The following CUL5 variants were observed in gnomAD, a reference collection of about 807,000 sequenced individuals.
The protein encoded by CUL5 is cullin 5, also known as cullin-5.
In CUL5, 26 loss-of-function variants were observed where a neutral mutation model predicts 108.8. That is an observed-to-expected ratio of 0.24 (90% CI 0.18 to 0.33). The LOEUF is 0.33. Among genes scored for constraint, CUL5 ranks in the 10% least tolerant of loss-of-function variants. The pLI is 1.00. For missense variants in CUL5, 524 were observed against 909.2 expected (o/e 0.58, Z 5.45); for synonymous variants, 334 against 298.0 (o/e 1.12, Z -1.25).
At chr11:108,062,038 T>G (rs1200473470) in intron 7 of CUL5, among the ~76,000 whole-genome samples, 1 of 152,142 alleles carries the variant, frequency 6.6e-6, no homozygotes, top group Non-Finnish European at 1.5e-5. Context: ...TCTCAACACG[T>G]GGGAATTACA....
intron 3 of CUL5, 97 bp downstream of exon 3, chr11:108,046,466 A>C: frequency 1.5e-6 from 1 of 650,344 alleles, no homozygotes; most frequent in Non-Finnish European, 2.6e-6. Flanking sequence ...AGTAATTTCA[A>C]AATATTGCAT....
intron 11 of CUL5, among the ~76,000 whole-genome samples, chr11:108,080,290 C>T (rs74716522): frequency 0.13 from 20,110 of 151,752 alleles, 1,429 homozygotes; most frequent in African/African-American, 0.18. Flanking sequence ...GGTCTTGCTG[C>T]GTTGCTCAGG....
At chr11:108,097,874 A>G (rs539419381) in intron 17 of CUL5, 120 bp downstream of exon 17, 1 of 578,538 alleles carries the variant, frequency 1.7e-6, no homozygotes, top group African/African-American at 1.9e-5. Context: ...TCATCACTCT[A>G]AACTTACATC....
chr11:108,098,591 T>A (rs375538241), intron 18 of CUL5, 62 bp downstream of exon 18: 28,354 of 994,142 alleles, frequency 0.029, 360 homozygotes, highest in Non-Finnish European at 0.033. Flanking sequence ...TTTTTTTTTT[T>A]AAATTTTGAA....
intron 13 of CUL5, among the ~76,000 whole-genome samples, chr11:108,091,695 T>TCACACAGACACACACACA (rs1555024095): frequency 7.2e-6 from 1 of 138,098 alleles, no homozygotes; most frequent in African/African-American, 2.8e-5. Flanking sequence ...TCTCTCTCAC[T>TCACACAGACACACACACA]CACACACACA....
intron 1 of CUL5, among the ~76,000 whole-genome samples, chr11:108,026,948 C>T (rs1342322631): frequency 6.9e-6 from 1 of 145,314 alleles, no homozygotes; most frequent in East Asian, 2.1e-4. Context: ...GAGATCACGC[C>T]ACTGCACTCC....
intron 11 of CUL5, among the ~76,000 whole-genome samples, chr11:108,079,713 C>G (rs1281150475): frequency 6.6e-6 from 1 of 152,124 alleles, no homozygotes; most frequent in Non-Finnish European, 1.5e-5. Context: ...TATCATCGTA[C>G]AAAGTTACTT....
At chr11:108,052,589 T>G (rs533571015) in intron 4 of CUL5, 71 bp from the exon 5 acceptor site, 25 of 1,381,976 alleles carry the variant, frequency 1.8e-5, no homozygotes, top group Middle Eastern at 4.7e-4. Context: ...TTTCCTTTTT[T>G]GGTGTTTGTA....
At chr11:108,014,584 G>A (rs1363820096) in intron 1 of CUL5, among the ~76,000 whole-genome samples, 1 of 152,186 alleles carries the variant, frequency 6.6e-6, no homozygotes. Context: ...ATCTGCTTGT[G>A]AGATTGGCCA....
chr11:108,078,067 T>C (rs1003925184), intron 10 of CUL5, 109 bp from the exon 11 acceptor site: 11 of 609,782 alleles, frequency 1.8e-5, no homozygotes, highest in Non-Finnish European at 2.5e-5. Flanking sequence ...TGGCCAGATA[T>C]ACCATTAGAA....
In CUL5 at chr11:108,101,235, G is replaced by A. The variant is rs189520764; in HGVS notation, c.2148+2706G>A. 2.5e-3 allele frequency among the ~76,000 whole-genome samples: 384 copies of A among 152,290 alleles called. 2 individuals carry two copies. Among genetic ancestry groups the A allele is most frequent in the African/African-American group, 8.6e-3 (356 of 41,562 alleles). On this transcript the variant is annotated intron_variant, in intron 18 of 18. Coordinates refer to ENST00000393094, the MANE Select transcript of CUL5 (RefSeq NM_003478.6). ...TTGCTATTTGCATAGGTGGCATCTG[G>A]ATATATTGAGTGTGAGAGGGATTTG...
intron 7 of CUL5, among the ~76,000 whole-genome samples, chr11:108,063,149 A>C (rs1863584110): frequency 6.6e-6 from 1 of 152,042 alleles, no homozygotes; most frequent in Non-Finnish European, 1.5e-5. Flanking sequence ...CCGACTATTC[A>C]TTCTGGTTTT....
At chr11:108,027,689 G>C (rs1382395827) in intron 1 of CUL5, among the ~76,000 whole-genome samples, 5 of 152,150 alleles carry the variant, frequency 3.3e-5, no homozygotes, top group African/African-American at 9.7e-5. Flanking sequence ...TTACAAGCAT[G>C]AACTATTGCG....
intron 1 of CUL5, among the ~76,000 whole-genome samples, chr11:108,023,667 A>C (rs546068958): frequency 6.6e-6 from 1 of 152,328 alleles, no homozygotes; most frequent in South Asian, 2.1e-4. Context: ...TGCACAGTAG[A>C]GTCTCAGATG....
chr11:108,085,693 A>C (rs189013378), intron 11 of CUL5, among the ~76,000 whole-genome samples: 1 of 152,352 alleles, frequency 6.6e-6, no homozygotes, highest in African/African-American at 2.4e-5. Context: ...AGTGGGTCAC[A>C]AAATACCACT....
At chr11:108,081,227 G>T (rs954149922) in intron 11 of CUL5, among the ~76,000 whole-genome samples, 1 of 151,954 alleles carries the variant, frequency 6.6e-6, no homozygotes. Context: ...GGTGGAGGTC[G>T]CAGTGAGCCG....
chr11:108,060,130 A>T (rs1424173410), intron 7 of CUL5, among the ~76,000 whole-genome samples: 1 of 152,168 alleles, frequency 6.6e-6, no homozygotes, highest in Admixed American at 6.5e-5. Context: ...ATAAGCACTT[A>T]TTAACCTTCA....
intron 15 of CUL5, 43 bp downstream of exon 15, chr11:108,095,030 T>A: frequency 6.5e-7 from 1 of 1,532,620 alleles, no homozygotes; most frequent in Non-Finnish European, 8.9e-7. Flanking sequence ...TCAGTTTGGA[T>A]GAAAGTAGCA....
At chr11:108,071,963 G>A (rs1378364295) in intron 8 of CUL5, among the ~76,000 whole-genome samples, 2 of 152,006 alleles carry the variant, frequency 1.3e-5, no homozygotes, top group Non-Finnish European at 2.9e-5. Flanking sequence ...GATTGTGTGA[G>A]CCCCGAAGTT....
Sources: gnomAD v4.1 joint callset for allele counts (sites outside exome capture counted in the v4.1 genomes callset) on GRCh38, gnomAD v4.1.1 for gene constraint, MANE v1.5 for transcripts, NCBI Gene and HGNC (gene_info 2026-07-23, HGNC 2026-07-21) for gene names.